Variants in SRBD1 observed in about 807,000 individuals in gnomAD.
SRBD1 encodes the protein S1 RNA-binding domain-containing protein 1.
SRBD1 carries 88 observed loss-of-function variants against 115.3 expected under a neutral mutation model. The observed-to-expected ratio is 0.76, with a 90% CI of 0.64 to 0.91. The LOEUF (loss-of-function observed/expected upper bound fraction) is 0.91. Ranked by LOEUF, SRBD1 falls within the 40% of genes least tolerant of loss-of-function variation. The probability of loss-of-function intolerance (pLI) is 0.00; values close to 1 mark genes in which losing one functional copy is unlikely to be tolerated. For missense variants in SRBD1, 1,385 were observed against 1,177.4 expected (o/e 1.18, Z -2.58); for synonymous variants, 509 against 407.7 (o/e 1.25, Z -2.99).
At chr2:45,596,920 C>CG (rs1446497977) in intron 4 of SRBD1, among the ~76,000 whole-genome samples, 2 of 121,640 alleles carry the variant, frequency 1.6e-5, no homozygotes, top group Non-Finnish European at 3.4e-5. Flanking sequence ...AACACCCCCC[C>CG]ACAACCCTAA....
chr2:45,443,629 G>A (rs913825580), intron 16 of SRBD1, among the ~76,000 whole-genome samples: 5 of 152,082 alleles, frequency 3.3e-5, no homozygotes, highest in African/African-American at 1.2e-4. Flanking sequence ...ATGCAGATGG[G>A]AAGAACACTG....
chr2:45,575,110 G>A (rs145938877), intron 7 of SRBD1, among the ~76,000 whole-genome samples: 3 of 152,250 alleles, frequency 2.0e-5, no homozygotes, highest in East Asian at 1.9e-4. Context: ...TACTAAAGAT[G>A]TTATGGGAAA....
chr2:45,418,300 T>C, intron 18 of SRBD1, 65 bp downstream of exon 18: 1 of 1,561,516 alleles, frequency 6.4e-7, no homozygotes, highest in Non-Finnish European at 8.7e-7. Context: ...TAATCAGTGG[T>C]AGGATAGGTA....
intron 17 of SRBD1, 92 bp downstream of exon 17, chr2:45,419,694 CTT>C (rs1667939088): frequency 9.3e-7 from 1 of 1,072,806 alleles, no homozygotes. Context: ...TACTTGACAA[CTT>C]TATACACGTG....
chr2:45,564,785 A>G (rs1672775629), intron 9 of SRBD1, among the ~76,000 whole-genome samples: 1 of 152,210 alleles, frequency 6.6e-6, no homozygotes, highest in Non-Finnish European at 1.5e-5. Context: ...GGGATTGAAA[A>G]TACAGTAATT....
chr2:45,599,617 C>A lies in SRBD1; in HGVS notation c.480G>T (p.Val160=), dbSNP rs1386200243. ...CTTCCTTCTTGCATGTACCTCCCCA[C>A]ACAGTGCTTGTGGATGGTGTCTCTG... is the stretch of plus-strand genomic sequence containing the variant. ...NSSETPSTST[V]WGGTCKKEEN... is the part of the protein sequence containing the mutation. The change falls in exon 4 of 21, where the codon GTG becomes GTT. Residue 160 remains valine (V), a synonymous_variant. Coordinates refer to ENST00000263736, the MANE Select transcript of SRBD1 (RefSeq NM_018079.5). The A allele has an allele frequency of 6.2e-7, 1 of 1,614,218 alleles. No individual in the cohort carries two copies. The highest frequency in any genetic ancestry group is 1.7e-5 in the Admixed American group (1 of 60,028).
intron 14 of SRBD1, among the ~76,000 whole-genome samples, chr2:45,513,463 T>C (rs1671030953): frequency 6.6e-6 from 1 of 152,066 alleles, no homozygotes; most frequent in African/African-American, 2.4e-5. Context: ...ATACTTCGTT[T>C]CAGCCTAGCA....
At chr2:45,410,329 A>G (rs962009570) in intron 19 of SRBD1, among the ~76,000 whole-genome samples, 9 of 152,218 alleles carry the variant, frequency 5.9e-5, no homozygotes, top group Admixed American at 3.3e-4. Context: ...AGTTCCAAGA[A>G]AACTGAACTT....
At chr2:45,463,409 A>T (rs1669385050) in intron 16 of SRBD1, among the ~76,000 whole-genome samples, 1 of 152,226 alleles carries the variant, frequency 6.6e-6, no homozygotes. Context: ...AAAGATCATG[A>T]TCAACTCACA....
intron 1 of SRBD1, among the ~76,000 whole-genome samples, chr2:45,608,521 T>G (rs1674343711): frequency 6.6e-6 from 1 of 152,194 alleles, no homozygotes; most frequent in African/African-American, 2.4e-5. Flanking sequence ...CCTCTTACTT[T>G]GTGTCATAAA....
intron 14 of SRBD1, among the ~76,000 whole-genome samples, chr2:45,511,568 C>T (rs1670970539): frequency 6.6e-6 from 1 of 152,160 alleles, no homozygotes; most frequent in Non-Finnish European, 1.5e-5. Context: ...CTTAAGTTGC[C>T]TAAGTTTACG....
At chr2:45,448,729 C>G (rs1572652424) in intron 16 of SRBD1, among the ~76,000 whole-genome samples, 1 of 152,316 alleles carries the variant, frequency 6.6e-6, no homozygotes, top group East Asian at 1.9e-4. Flanking sequence ...AGAACTGAAG[C>G]TACCCTGAAA....
intron 14 of SRBD1, among the ~76,000 whole-genome samples, chr2:45,499,008 C>G (rs1001040109): frequency 7.9e-5 from 12 of 152,140 alleles, no homozygotes; most frequent in Non-Finnish European, 1.5e-4. Context: ...TGGATATATA[C>G]TTAGCAGTGG....
At chr2:45,541,429 C>T (rs1422293461) in intron 14 of SRBD1, among the ~76,000 whole-genome samples, 1 of 152,198 alleles carries the variant, frequency 6.6e-6, no homozygotes, top group South Asian at 2.1e-4. Context: ...GTTTGTGTTA[C>T]AGCTGTTTCA....
At chr2:45,507,385 G>C (rs1175830987) in intron 14 of SRBD1, among the ~76,000 whole-genome samples, 1 of 151,968 alleles carries the variant, frequency 6.6e-6, no homozygotes, top group Non-Finnish European at 1.5e-5. Flanking sequence ...AAAAGACTAT[G>C]CTTATCAAAA....
At chr2:45,564,229 G>A (rs1446212023) in intron 9 of SRBD1, among the ~76,000 whole-genome samples, 2 of 152,078 alleles carry the variant, frequency 1.3e-5, no homozygotes, top group Admixed American at 1.3e-4. Flanking sequence ...AAAAACATCT[G>A]ACAAAATCAG....
At chr2:45,609,426 C>G (rs1365111162) in intron 1 of SRBD1, among the ~76,000 whole-genome samples, 1 of 152,208 alleles carries the variant, frequency 6.6e-6, no homozygotes, top group African/African-American at 2.4e-5. Context: ...TAACTGCCCT[C>G]CCTACTTCCA....
At chr2:45,526,720 G>A (rs574075887) in intron 14 of SRBD1, among the ~76,000 whole-genome samples, 1 of 151,796 alleles carries the variant, frequency 6.6e-6, no homozygotes, top group Admixed American at 6.6e-5. Context: ...GAAAAATATT[G>A]TATAATTATG....
At chr2:45,593,366 C>A (rs1171172787) in intron 4 of SRBD1, among the ~76,000 whole-genome samples, 1 of 152,138 alleles carries the variant, frequency 6.6e-6, no homozygotes, top group East Asian at 1.9e-4. Flanking sequence ...ATTCCTCAGG[C>A]ATAATCCTCA....
Sources: gnomAD v4.1 joint callset for allele counts (sites outside exome capture counted in the v4.1 genomes callset) on GRCh38, gnomAD v4.1.1 for gene constraint, MANE v1.5 for transcripts, NCBI Gene and HGNC (gene_info 2026-07-23, HGNC 2026-07-21) for gene names.